Variants in TLN2 observed in about 807,000 individuals in gnomAD.
TLN2 encodes talin-2.
In TLN2, 118 loss-of-function variants were observed where a neutral mutation model predicts 294.7. The observed-to-expected ratio is 0.40, with a 90% CI of 0.34 to 0.47. TLN2 has a LOEUF of 0.47. TLN2 is among the 20% of genes least tolerant of loss of function. The pLI is 0.84. For synonymous variants in TLN2, 1,431 were observed against 1,304.5 expected, an observed-to-expected ratio of 1.10 and a Z score of -2.09; for missense variants, 3,083 against 3,282.2, an observed-to-expected ratio of 0.94 and a Z score of 1.48.
intron 45 of TLN2, among the ~76,000 whole-genome samples, chr15:62,791,832 CAG>C (rs2141116240): frequency 6.6e-6 from 1 of 152,268 alleles, no homozygotes; most frequent in South Asian, 2.1e-4. Context: ...TGATGTGAAA[CAG>C]GGCCGGAGGA....
chr15:62,815,776 A>G (rs1022551485), intron 52 of TLN2, among the ~76,000 whole-genome samples: 5 of 152,242 alleles, frequency 3.3e-5, no homozygotes, highest in East Asian at 1.9e-4. Context: ...CCCATCATCT[A>G]TGATTGACTA....
intron 2 of TLN2, among the ~76,000 whole-genome samples, chr15:62,604,180 G>A (rs1264626474): frequency 2.0e-5 from 3 of 151,932 alleles, no homozygotes; most frequent in African/African-American, 4.8e-5. Context: ...CTAGGCATTC[G>A]GGAGCCATAG....
chr15:62,495,256 G>A (rs146450859), intron 1 of TLN2, among the ~76,000 whole-genome samples: 7 of 152,258 alleles, frequency 4.6e-5, no homozygotes, highest in Non-Finnish European at 7.4e-5. Flanking sequence ...AGAGATGAAC[G>A]CGATACATGT....
chr15:62,480,581 T>C (rs2038030891), intron 1 of TLN2, among the ~76,000 whole-genome samples: 1 of 152,302 alleles, frequency 6.6e-6, no homozygotes, highest in East Asian at 1.9e-4. Context: ...ATTTACAACC[T>C]GTTGATATAT....
chr15:62,664,747 A>G (rs1288554454), intron 9 of TLN2, among the ~76,000 whole-genome samples: 1 of 148,068 alleles, frequency 6.8e-6, no homozygotes, highest in Non-Finnish European at 1.5e-5. Context: ...AATCCCAGCT[A>G]CTCGGGAGGC....
chr15:62,740,895 G>A, intron 32 of TLN2, 126 bp downstream of exon 32: 1 of 1,234,840 alleles, frequency 8.1e-7, no homozygotes, highest in African/African-American at 1.5e-5. Context: ...GTCATGGGAG[G>A]TGGAGCTGAG....
chr15:62,683,765 T>C (rs2057059810), intron 11 of TLN2, among the ~76,000 whole-genome samples: 1 of 152,148 alleles, frequency 6.6e-6, no homozygotes, highest in Non-Finnish European at 1.5e-5. Flanking sequence ...TTAGCCTGCT[T>C]TGTCTACTGG....
chr15:62,581,852 T>C (rs1399925430), intron 1 of TLN2, among the ~76,000 whole-genome samples: 4 of 151,904 alleles, frequency 2.6e-5, no homozygotes, highest in Non-Finnish European at 5.9e-5. Context: ...CAGACCAGCC[T>C]GGTCAACATG....
intron 48 of TLN2, among the ~76,000 whole-genome samples, chr15:62,798,075 A>T (rs2065642623): frequency 6.6e-6 from 1 of 152,050 alleles, no homozygotes; most frequent in Admixed American, 6.5e-5. Flanking sequence ...AGAAAGAGGG[A>T]AGACTGGGAA....
intron 1 of TLN2, among the ~76,000 whole-genome samples, chr15:62,554,498 T>C (rs1169323117): frequency 1.3e-5 from 2 of 151,824 alleles, no homozygotes; most frequent in Non-Finnish European, 2.9e-5. Context: ...CAGTTTTGAC[T>C]GACAGAAAAA....
At chr15:62,604,889 G>A (rs1287954043) in intron 2 of TLN2, among the ~76,000 whole-genome samples, 5 of 151,792 alleles carry the variant, frequency 3.3e-5, no homozygotes, top group Non-Finnish European at 5.9e-5. Flanking sequence ...TGCCGCTGCC[G>A]CCGCCTCCTC....
intron 54 of TLN2, chr15:62,831,369 T>C (rs1051517528): frequency 6.6e-6 from 1 of 152,052 alleles, no homozygotes; most frequent in African/African-American, 2.4e-5. Context: ...GAGTCAAAAA[T>C]TCTGTGATTT....
chr15:62,739,291 T>C, intron 30 of TLN2, 57 bp from the exon 31 acceptor site: 1 of 1,551,720 alleles, frequency 6.4e-7, no homozygotes, highest in South Asian at 1.2e-5. Context: ...TACCTTCCTT[T>C]TATCCCTCCC....
chr15:62,622,132 T>A (rs1303738390), intron 3 of TLN2, among the ~76,000 whole-genome samples: 2 of 152,214 alleles, frequency 1.3e-5, no homozygotes, highest in African/African-American at 4.8e-5. Flanking sequence ...TTTGATTTAC[T>A]CTTCAGAGTA....
At chr15:62,735,025 T>G (rs1011385540) in intron 28 of TLN2, among the ~76,000 whole-genome samples, 19 of 152,210 alleles carry the variant, frequency 1.2e-4, no homozygotes, top group African/African-American at 4.6e-4. Flanking sequence ...CTGATTTGCG[T>G]ATTTTTCACG....
chr15:62,823,915 C>A, intron 54 of TLN2: 1 of 514,628 alleles, frequency 1.9e-6, no homozygotes, highest in African/African-American at 1.9e-5. Context: ...ACCTTCAATA[C>A]TGTGCCTAGT....
chr15:62,429,982 G>A (rs535505200), intron 1 of TLN2, among the ~76,000 whole-genome samples: 39 of 152,200 alleles, frequency 2.6e-4, no homozygotes, highest in Middle Eastern at 3.4e-3. Context: ...GACCTGGCCC[G>A]AACTGATAAG....
At chr15:62,737,411 C>T (rs571300495) in intron 29 of TLN2, among the ~76,000 whole-genome samples, 1 of 152,160 alleles carries the variant, frequency 6.6e-6, no homozygotes, top group Non-Finnish European at 1.5e-5. Context: ...TATTGCTGTT[C>T]CTTGCCAGGG....
intron 9 of TLN2, among the ~76,000 whole-genome samples, chr15:62,661,717 CAA>C (rs2053853768): frequency 6.6e-6 from 1 of 152,028 alleles, no homozygotes; most frequent in Non-Finnish European, 1.5e-5. Context: ...CAATTTTAGA[CAA>C]AGAGCAGAGA....
Sources: gnomAD v4.1 joint callset for allele counts (sites outside exome capture counted in the v4.1 genomes callset) on GRCh38, gnomAD v4.1.1 for gene constraint, MANE v1.5 for transcripts, NCBI Gene and HGNC (gene_info 2026-07-23, HGNC 2026-07-21) for gene names.